The following ADAMTS9 variants were observed in gnomAD, a reference collection of about 807,000 sequenced individuals.
ADAMTS9 encodes A disintegrin and metalloproteinase with thrombospondin motifs 9.
Under a neutral mutation model 257.1 loss-of-function variants are expected in ADAMTS9, and 107 were observed. The observed-to-expected ratio is 0.42, with a 90% CI of 0.36 to 0.49. The LOEUF is 0.49. Among genes scored for constraint, ADAMTS9 ranks in the 20% least tolerant of loss-of-function variants. ADAMTS9 has a pLI of 0.03. For synonymous variants in ADAMTS9, 982 were observed against 880.9 expected (o/e 1.11, Z -2.03); for missense variants, 2,353 against 2,469.1 (o/e 0.95, Z 1.00).
intron 3 of ADAMTS9, among the ~76,000 whole-genome samples, chr3:64,666,006 T>G (rs189367992): frequency 1.3e-5 from 2 of 152,260 alleles, no homozygotes; most frequent in East Asian, 3.9e-4. Context: ...TAAGTTGAAA[T>G]AAACAACAGC....
intron 27 of ADAMTS9, among the ~76,000 whole-genome samples, chr3:64,595,654 T>G (rs1432463103): frequency 1.3e-5 from 2 of 152,174 alleles, no homozygotes; most frequent in Non-Finnish European, 2.9e-5. Flanking sequence ...CAGAATGACA[T>G]AACTGTCAAT....
chr3:64,673,905 G>T (rs1701557715), intron 3 of ADAMTS9, among the ~76,000 whole-genome samples: 1 of 151,828 alleles, frequency 6.6e-6, no homozygotes, highest in African/African-American at 2.4e-5. Flanking sequence ...TTTTATTATT[G>T]TCTCTAGCTT....
At chr3:64,682,814 C>T (rs1007585834) in intron 2 of ADAMTS9, among the ~76,000 whole-genome samples, 3 of 152,226 alleles carry the variant, frequency 2.0e-5, no homozygotes, top group African/African-American at 7.2e-5. Flanking sequence ...TATTCTTACG[C>T]ATGATAAAGT....
chr3:64,518,395 T>A (rs17070898), intron 39 of ADAMTS9, among the ~76,000 whole-genome samples: 2,254 of 152,146 alleles, frequency 0.015, 45 homozygotes, highest in African/African-American at 0.052. Context: ...AAGATGCAGG[T>A]GGGTCACATG....
Position 64,586,937 on chromosome 3 carries a change from G to T in ADAMTS9, c.4356+7321C>A, listed in dbSNP as rs990221437. On this transcript the variant is annotated intron_variant, in intron 28 of 39. Coordinates refer to ENST00000498707, the MANE Select transcript of ADAMTS9 (RefSeq NM_182920.2). ...TCTCCTGGAATTCAAGCTTCTACAA[G>T]GTGGCTACCTGGTGTTTTCCACTTT... 2.0e-5 allele frequency: 3 copies of T among 152,100 alleles called. No homozygotes were observed. In the East Asian group the frequency reaches 5.8e-4, roughly 29 times the overall value. The allele number at this position is 152,100 out of a possible 1,614,324, so 9.4% of individuals were successfully genotyped here.
At chr3:64,517,415 G>GTTTTTTTTTTTTTTTTTTTT (rs1242670245) in intron 39 of ADAMTS9, among the ~76,000 whole-genome samples, 3 of 11,544 alleles carry the variant, frequency 2.6e-4, no homozygotes, top group Non-Finnish European at 9.1e-4. Context: ...AATTAAAAAT[G>GTTTTTTTTTTTTTTTTTTTT]GTTTTTTTTT....
At chr3:64,628,602 C>T (rs192207447) in intron 16 of ADAMTS9, among the ~76,000 whole-genome samples, 1 of 152,260 alleles carries the variant, frequency 6.6e-6, no homozygotes, top group East Asian at 1.9e-4. Context: ...AATTTGTAAA[C>T]AGTCCTCCAA....
chr3:64,666,270 GT>G (rs1213388647), intron 3 of ADAMTS9, among the ~76,000 whole-genome samples: 5 of 152,186 alleles, frequency 3.3e-5, no homozygotes, highest in Non-Finnish European at 7.3e-5. Flanking sequence ...TCACTGAAGT[GT>G]TTCCTACCAA....
intron 30 of ADAMTS9, 41 bp downstream of exon 30, chr3:64,561,537 C>G (rs767826229): frequency 1.4e-5 from 22 of 1,588,148 alleles, no homozygotes. Flanking sequence ...GGGGCGCACA[C>G]GTGAAATGCC....
intron 8 of ADAMTS9, among the ~76,000 whole-genome samples, chr3:64,653,462 AT>A (rs1205312530): frequency 1.3e-5 from 2 of 152,212 alleles, no homozygotes; most frequent in Non-Finnish European, 2.9e-5. Context: ...CCTGTTATAT[AT>A]TGAGCTAAAT....
At chr3:64,642,797 C>T (rs545262677) in intron 11 of ADAMTS9, among the ~76,000 whole-genome samples, 2 of 152,204 alleles carry the variant, frequency 1.3e-5, no homozygotes, top group East Asian at 1.9e-4. Context: ...TCGCTCAGAT[C>T]TCTGAAGCGG....
At chr3:64,576,809 T>G (rs1486718333) in intron 28 of ADAMTS9, among the ~76,000 whole-genome samples, 1 of 152,130 alleles carries the variant, frequency 6.6e-6, no homozygotes, top group East Asian at 1.9e-4. Context: ...ACATGTCAAC[T>G]CTTGGAGCAC....
At chr3:64,578,210 C>A (rs2083903244) in intron 28 of ADAMTS9, among the ~76,000 whole-genome samples, 2 of 151,792 alleles carry the variant, frequency 1.3e-5, no homozygotes, top group Non-Finnish European at 2.9e-5. Flanking sequence ...GGAGGTTGGA[C>A]AGCACACAGT....
chr3:64,641,709 G>T, intron 12 of ADAMTS9, 139 bp downstream of exon 12: 1 of 1,030,178 alleles, frequency 9.7e-7, no homozygotes, highest in Non-Finnish European at 1.4e-6. Context: ...TGGGTACCGT[G>T]GGTCTAAGCA....
chr3:64,668,795 G>A (rs1701411320), intron 3 of ADAMTS9, among the ~76,000 whole-genome samples: 1 of 152,180 alleles, frequency 6.6e-6, no homozygotes, highest in African/African-American at 2.4e-5. Flanking sequence ...GGGTGGCCCT[G>A]AAGCTGAATG....
At chr3:64,538,786 A>G (rs1280523404) in intron 37 of ADAMTS9, among the ~76,000 whole-genome samples, 1 of 152,096 alleles carries the variant, frequency 6.6e-6, no homozygotes, top group African/African-American at 2.4e-5. Flanking sequence ...TATAGGGAGA[A>G]TATTTACACC....
At chr3:64,649,834 C>T in intron 9 of ADAMTS9, 56 bp from the exon 10 acceptor site, 2 of 1,559,944 alleles carry the variant, frequency 1.3e-6, no homozygotes, top group Admixed American at 1.8e-5. Context: ...TCAAGGTCTC[C>T]CCCAGGTAAC....
intron 4 of ADAMTS9, among the ~76,000 whole-genome samples, chr3:64,658,103 C>T (rs558905715): frequency 1.3e-5 from 2 of 152,186 alleles, no homozygotes; most frequent in African/African-American, 2.4e-5. Context: ...CATTGGTTTT[C>T]GGAACTGGAC....
rs751346695 is a variant in ADAMTS9, at chr3:64,647,670, TG to T, written c.1710+269del. ...CATAGGCACACTGTAATTTTAGAAA[TG>T]TTTAAATGAGAGAAAGTCTTAAGTT... On this transcript the variant is annotated intron_variant, in intron 11 of 39. Transcript: ENST00000498707. Among the ~76,000 whole-genome samples, 388 of 152,344 alleles carry T rather than the reference TG, an allele frequency of 2.5e-3. 1 individual carries two copies. The highest frequency in any genetic ancestry group is 6.8e-3 in the Middle Eastern group (2 of 294).
Sources: allele counts gnomAD v4.1 joint callset (sites outside exome capture counted in the v4.1 genomes callset), GRCh38; gene constraint gnomAD v4.1.1; transcripts MANE v1.5; gene names NCBI Gene and HGNC (gene_info 2026-07-23, HGNC 2026-07-21).